NRDC: variants seen among roughly 807,000 people sequenced by gnomAD.
NRDC encodes nardilysin convertase, also known as nardilysin.
A neutral mutation model predicts 147.1 loss-of-function variants in NRDC; 54 were observed. The observed-to-expected ratio is 0.37, with a 90% CI of 0.29 to 0.46. NRDC has a LOEUF of 0.46. Among genes scored for constraint, NRDC ranks in the 20% least tolerant of loss-of-function variants. The probability of loss-of-function intolerance (pLI) is 1.00; values close to 1 mark genes in which losing one functional copy is unlikely to be tolerated. For synonymous variants in NRDC, 440 were observed against 482.1 expected, an observed-to-expected ratio of 0.91 and a Z score of 1.14; for missense variants, 1,082 against 1,370.6, an observed-to-expected ratio of 0.79 and a Z score of 3.33.
chr1:51,850,319 C>T (rs1305936151), intron 1 of NRDC, among the ~76,000 whole-genome samples: 1 of 149,234 alleles, frequency 6.7e-6, no homozygotes, highest in African/African-American at 2.4e-5. Context: ...AATACTGTTA[C>T]AATGCCATTT....
intron 1 of NRDC, among the ~76,000 whole-genome samples, chr1:51,870,314 T>C (rs147995256): frequency 6.6e-6 from 1 of 152,330 alleles, no homozygotes; most frequent in African/African-American, 2.4e-5. Flanking sequence ...ACTAGTACCA[T>C]TTGTGTCAAC....
chr1:51,862,454 G>C (rs1682590746), intron 1 of NRDC: 2 of 152,664 alleles, frequency 1.3e-5, no homozygotes. Context: ...TGAGTGTGGT[G>C]GCTCATGCTT....
chr1:51,864,550 T>C (rs1682710145), intron 1 of NRDC, among the ~76,000 whole-genome samples: 2 of 152,190 alleles, frequency 1.3e-5, no homozygotes, highest in Admixed American at 1.3e-4. Flanking sequence ...CCAAAGTATT[T>C]ATTAGCTAGA....
chr1:51,874,856 G>A (rs998143088), intron 1 of NRDC, among the ~76,000 whole-genome samples: 2 of 152,180 alleles, frequency 1.3e-5, no homozygotes, highest in African/African-American at 4.8e-5. Context: ...CACATATGCT[G>A]AAGTAAAATT....
intron 1 of NRDC, among the ~76,000 whole-genome samples, chr1:51,846,731 C>G (rs1288253885): frequency 1.3e-5 from 2 of 152,234 alleles, no homozygotes; most frequent in African/African-American, 4.8e-5. Context: ...GGAACTCGAC[C>G]CAAGTGGGTT....
At chr1:51,820,101 A>G (rs1251449263) in intron 8 of NRDC, among the ~76,000 whole-genome samples, 2 of 152,230 alleles carry the variant, frequency 1.3e-5, no homozygotes, top group Non-Finnish European at 2.9e-5. Context: ...CTCAAGAGAT[A>G]GAGAATGAAT....
intron 1 of NRDC, 41 bp downstream of exon 1, chr1:51,878,234 G>A (rs756182663): frequency 6.4e-7 from 1 of 1,565,902 alleles, no homozygotes; most frequent in Non-Finnish European, 8.7e-7. Flanking sequence ...CAGAGAAGCC[G>A]GCACACTGTT....
intron 1 of NRDC, among the ~76,000 whole-genome samples, chr1:51,869,288 G>A (rs34172643): frequency 0.28 from 42,365 of 151,906 alleles, 6,643 homozygotes; most frequent in South Asian, 0.37. Flanking sequence ...TTCCTTCCCT[G>A]TGATGACCAC....
intron 1 of NRDC, among the ~76,000 whole-genome samples, chr1:51,851,276 T>C (rs967446390): frequency 3.9e-5 from 6 of 152,096 alleles, no homozygotes; most frequent in Non-Finnish European, 5.9e-5. Context: ...TGGGCTCTAC[T>C]TCATCAGAAT....
intron 1 of NRDC, among the ~76,000 whole-genome samples, chr1:51,864,041 T>C (rs896066394): frequency 6.6e-6 from 1 of 152,214 alleles, no homozygotes; most frequent in East Asian, 1.9e-4. Context: ...TAATGAAGTG[T>C]TGAATATCTC....
chr1:51,835,441 G>C (rs1451232234), intron 3 of NRDC, among the ~76,000 whole-genome samples: 2 of 146,770 alleles, frequency 1.4e-5, no homozygotes, highest in Admixed American at 1.4e-4. Flanking sequence ...CATGCCTTTT[G>C]AATTTCTAGG....
intron 14 of NRDC, among the ~76,000 whole-genome samples, chr1:51,812,934 C>T (rs113130552): frequency 4.9e-4 from 71 of 143,752 alleles, no homozygotes; most frequent in African/African-American, 1.8e-3. Context: ...CGCACTCCTG[C>T]CCAGATGACA....
intron 15 of NRDC, among the ~76,000 whole-genome samples, chr1:51,811,101 T>C (rs989434910): frequency 6.6e-6 from 1 of 152,166 alleles, no homozygotes; most frequent in Non-Finnish European, 1.5e-5. Context: ...CAACAAATGG[T>C]GGTTCAGAAA....
rs1385158876 is a variant in NRDC at position 51,803,805 on chromosome 1, T to C, written c.2313+9A>G. The C allele has an allele frequency of 6.2e-7, 1 of 1,609,696 alleles. No individual in the cohort carries two copies. Among genetic ancestry groups the C allele is most frequent in the Non-Finnish European group, 8.5e-7 (1 of 1,177,718 alleles). ...CTCTCTATAAGGAAAACAGAGTACTTGTACTTACAGGTAGTTTGTGGTTAA... is the reference window on the plus strand; with the variant it reads ...CTCTCTATAAGGAAAACAGAGTACTCGTACTTACAGGTAGTTTGTGGTTAA... On this transcript the variant is annotated intron_variant, in intron 20 of 30. Coordinates refer to ENST00000352171, the MANE Select transcript of NRDC (RefSeq NM_001101662.2).
At chr1:51,833,693 C>G (rs867105176) in intron 4 of NRDC, among the ~76,000 whole-genome samples, 1 of 152,028 alleles carries the variant, frequency 6.6e-6, no homozygotes, top group Non-Finnish European at 1.5e-5. Flanking sequence ...ACTACAGCCT[C>G]GAATTCCTGG....
At chr1:51,827,343 AC>A (rs1680492314) in intron 5 of NRDC, among the ~76,000 whole-genome samples, 1 of 152,208 alleles carries the variant, frequency 6.6e-6, no homozygotes, top group South Asian at 2.1e-4. Context: ...GCCAAGCCTA[AC>A]CTATATGAAC....
intron 2 of NRDC, among the ~76,000 whole-genome samples, chr1:51,838,391 A>G (rs1230118316): frequency 1.3e-5 from 2 of 152,198 alleles, no homozygotes; most frequent in Non-Finnish European, 2.9e-5. Context: ...GTATAAATCT[A>G]AAGTATTTTA....
intron 29 of NRDC, among the ~76,000 whole-genome samples, chr1:51,790,051 T>A (rs1678519712): frequency 6.6e-6 from 1 of 152,172 alleles, no homozygotes; most frequent in Non-Finnish European, 1.5e-5. Flanking sequence ...ATAACCTCTT[T>A]ACATCACAGA....
At position 51,854,229 on chromosome 1, in the gene NRDC, G is replaced by A. The variant is rs940382877; in HGVS notation, c.342-13715C>T. Among the ~76,000 whole-genome samples, 13 of 152,122 alleles carry A rather than the reference G, an allele frequency of 8.5e-5. 1 individual carries two copies. In the East Asian group the frequency reaches 1.5e-3, roughly 18 times the overall value. On this transcript the variant is annotated intron_variant, in intron 1 of 30. Coordinates refer to ENST00000352171, the MANE Select transcript of NRDC (RefSeq NM_001101662.2). ...CTAAAAATACAAAAAATAGCCAGGC[G>A]TAGAGGTGCACACCTGTAGTCCCAG... is the stretch of plus-strand genomic sequence containing the variant.
Sources: allele counts gnomAD v4.1 joint callset (sites outside exome capture counted in the v4.1 genomes callset), GRCh38; gene constraint gnomAD v4.1.1; transcripts MANE v1.5; gene names NCBI Gene and HGNC (gene_info 2026-07-23, HGNC 2026-07-21).